Variants in CCDC61 observed in about 807,000 individuals in gnomAD.
CCDC61 encodes the protein centrosomal protein CCDC61.
Under a neutral mutation model 63.0 loss-of-function variants are expected in CCDC61, and 55 were observed. The observed-to-expected ratio is 0.87, with a 90% confidence interval of 0.70 to 1.09. The LOEUF is 1.09. Ranked by LOEUF, CCDC61 falls within the 50% of genes least tolerant of loss-of-function variation. The pLI, the probability that CCDC61 is intolerant of heterozygous loss-of-function variation, is 0.00. For synonymous variants in CCDC61, 270 were observed against 317.0 expected (o/e 0.85, Z 1.58); for missense variants, 651 against 731.4 (o/e 0.89, Z 1.27).
chr19:46,013,199 T>C (rs1600652033), intron 5 of CCDC61, among the ~76,000 whole-genome samples: 1 of 151,942 alleles, frequency 6.6e-6, no homozygotes, highest in Admixed American at 6.6e-5. Flanking sequence ...TTTTTTTGAA[T>C]TTTTAGTAGA....
intron 3 of CCDC61, among the ~76,000 whole-genome samples, chr19:46,003,946 A>AT (rs918437729): frequency 3.7e-4 from 54 of 144,418 alleles, no homozygotes; most frequent in African/African-American, 5.1e-4. Flanking sequence ...TTGTTTGTTT[A>AT]TTTTTTTTTT....
chr19:45,995,781 C>G (rs12463001), intron 1 of CCDC61, among the ~76,000 whole-genome samples: 3 of 151,710 alleles, frequency 2.0e-5, no homozygotes, highest in Non-Finnish European at 2.9e-5. Flanking sequence ...AATATAGAGA[C>G]GTCCTTGGAA....
chr19:45,998,683 A>G (rs563234755), intron 1 of CCDC61, among the ~76,000 whole-genome samples: 2 of 152,342 alleles, frequency 1.3e-5, no homozygotes, highest in South Asian at 4.1e-4. Flanking sequence ...TGGTCTGTCA[A>G]ATAATCAACA....
chr19:46,008,000 G>A, intron 4 of CCDC61, 140 bp from the exon 5 acceptor site: 1 of 838,362 alleles, frequency 1.2e-6, no homozygotes, highest in East Asian at 2.9e-5. Flanking sequence ...GGGGCCTTGA[G>A]GATGTGCTCA....
chr19:46,002,272 T>C (rs528879914), intron 1 of CCDC61, among the ~76,000 whole-genome samples: 2 of 151,892 alleles, frequency 1.3e-5, no homozygotes, highest in South Asian at 2.1e-4. Context: ...AAAGCTTGGC[T>C]CATCCTACTC....
Position 46,008,178 on chromosome 19 carries a change from C to CAG in CCDC61, c.430_431dup (p.Asp144GlufsTer13), listed in dbSNP as rs751133209. 2 of 1,612,654 alleles carry CAG rather than the reference C, an allele frequency of 1.2e-6. No homozygotes were observed. Among genetic ancestry groups the CAG allele is most frequent in the South Asian group, 2.2e-5 (2 of 90,708 alleles). ...CTGCCCCTCCCGTACCAGGGCAAGC[C>CAG]AGACCCCGTGGTTCTGCAGGGCATC... On this transcript the variant is annotated frameshift_variant, in exon 5 of 14. Coordinates refer to ENST00000595358, the MANE Select transcript of CCDC61 (RefSeq NM_001267723.2). LOFTEE classifies it high-confidence loss of function.
At chr19:45,996,754 G>C (rs551042988) in intron 1 of CCDC61, among the ~76,000 whole-genome samples, 1 of 152,290 alleles carries the variant, frequency 6.6e-6, no homozygotes, top group East Asian at 1.9e-4. Context: ...TGGTCTAGCA[G>C]ATCGCATTAG....
chr19:46,011,704 C>T (rs573251168), intron 5 of CCDC61, among the ~76,000 whole-genome samples: 8 of 152,304 alleles, frequency 5.3e-5, no homozygotes, highest in African/African-American at 1.7e-4. Context: ...AAGTTCTCTT[C>T]GGCCTTTCAA....
chr19:46,016,566 G>A lies in CCDC61; in HGVS notation c.1092-128G>A. 1 of 1,448,912 alleles carries A rather than the reference G, an allele frequency of 6.9e-7. No individual in the cohort carries two copies. Among genetic ancestry groups the A allele is most frequent in the South Asian group, 1.3e-5 (1 of 77,818 alleles). The allele number at this position is 1,448,912 out of a possible 1,614,324, so 89.8% of individuals were successfully genotyped here. On this transcript the variant is annotated intron_variant, in intron 9 of 13. Coordinates refer to ENST00000595358, the MANE Select transcript of CCDC61 (RefSeq NM_001267723.2). This position sits in a 1 kb window ranked among gnomAD's most constrained non-coding sequence, Gnocchi z 7.2. ...CCTACCTCCTCGTCTGTGTTTCTGC[G>A]TGCTTTCCGCTCGTAGGCCTGTCAC... is the stretch of plus-strand genomic sequence containing the variant.
rs1285663871 is a variant in CCDC61, at chr19:46,017,047, TTC to T, written c.1292_1293del (p.Ser431Ter). On this transcript the variant is annotated frameshift_variant, in exon 11 of 14. Transcript: ENST00000595358. LOFTEE classifies it high-confidence loss of function. ...CAGCTCCTGCAGCGATTTGGAGGAT[TTC>T]TCTGAGTCGCTCTCCAGAGGGTAAA... ...SASSCSDLED[F>X]SESLSRGGHR... The T allele has an allele frequency of 5.6e-6, 9 of 1,612,540 alleles. No individual in the cohort carries two copies. The South Asian group carries it at 7.7e-5, about 14-fold the overall frequency.
chr19:46,015,007 G>T lies in CCDC61; in HGVS notation c.552-42G>T, dbSNP rs1254608837. The T allele has an allele frequency of 2.1e-6, 3 of 1,463,326 alleles. No homozygotes were observed. In the South Asian group the frequency reaches 3.7e-5, roughly 18 times the overall value. The allele number at this position is 1,463,326 out of a possible 1,614,324, so 90.6% of individuals were successfully genotyped here. ...ACCCCCATGGAGTAGTGGGAATGGGGCCATGCCTCTCTCTCCAGCGCTCTC... is the reference window on the plus strand; with the variant it reads ...ACCCCCATGGAGTAGTGGGAATGGGTCCATGCCTCTCTCTCCAGCGCTCTC... On this transcript the variant is annotated intron_variant, in intron 5 of 13. Transcript: ENST00000595358. This position sits in a 1 kb window ranked among gnomAD's most constrained non-coding sequence, Gnocchi z 5.3.
intron 4 of CCDC61, among the ~76,000 whole-genome samples, chr19:46,007,261 C>T (rs368725429): frequency 9.9e-5 from 15 of 152,240 alleles, no homozygotes; most frequent in East Asian, 3.9e-4. Flanking sequence ...GTTGCCCAGG[C>T]TGGTCTTGAA....
rs59269540 is a variant in CCDC61 at position 46,018,089 on chromosome 19, C to A, written c.1380C>A (p.Pro460=). Residue 460 remains proline, a synonymous_variant, in exon 13 of 14, where the codon CCC becomes CCA. Transcript: ENST00000595358. This position sits in a 1 kb window ranked among gnomAD's most constrained non-coding sequence, Gnocchi z 4.2. ...TTCCCCATCACCAGAAGTCTCCCCC[C>A]GTGGAACGCAGCCACCATCAGAAAT... ...PWSGSNMKSP[P]VERSHHQKSL... 1.2e-6 allele frequency: 2 copies of A among 1,610,334 alleles called. No homozygotes were observed. Among genetic ancestry groups the A allele is most frequent in the East Asian group, 4.5e-5 (2 of 44,624 alleles).
At chr19:46,009,837 T>TGTGTGCGC (rs1272891549) in intron 5 of CCDC61, among the ~76,000 whole-genome samples, 1 of 151,230 alleles carries the variant, frequency 6.6e-6, no homozygotes, top group African/African-American at 2.4e-5. Context: ...TGTGTGTGTG[T>TGTGTGCGC]GCGCGCGCGT....
chr19:46,015,557 G>T lies in CCDC61; in HGVS notation c.845+130G>T. ...GAGGGGGCGGGGCTGAAGGGGAGGC[G>T]GGGCTTAGCGGACCCCGTCTGGAGT... On this transcript the variant is annotated intron_variant, in intron 7 of 13. Coordinates refer to ENST00000595358, the MANE Select transcript of CCDC61 (RefSeq NM_001267723.2). This position sits in a 1 kb window ranked among gnomAD's most constrained non-coding sequence, Gnocchi z 5.3. 1 of 749,492 alleles carries T rather than the reference G, an allele frequency of 1.3e-6. No individual in the cohort carries two copies. The highest frequency in any genetic ancestry group is 3.0e-5 in the East Asian group (1 of 33,702). 46.4% of individuals were successfully genotyped at this position (749,492 alleles called of 1,614,324 possible). A position where few individuals can be genotyped will look rare whatever the true frequency, so the allele number is the denominator to read the frequency against.
intron 4 of CCDC61, among the ~76,000 whole-genome samples, chr19:46,007,417 A>T (rs1177194385): frequency 6.6e-6 from 1 of 152,074 alleles, no homozygotes; most frequent in Non-Finnish European, 1.5e-5. Flanking sequence ...CAGACATTGC[A>T]TCTATATCAA....
At chr19:46,014,676 AG>A (rs1183002611) in intron 5 of CCDC61, among the ~76,000 whole-genome samples, 2 of 152,074 alleles carry the variant, frequency 1.3e-5, no homozygotes, top group African/African-American at 4.8e-5. Flanking sequence ...TGGCCTGGCG[AG>A]GTGGGAGGAG....
At chr19:46,013,826 A>G (rs1377236730) in intron 5 of CCDC61, among the ~76,000 whole-genome samples, 1 of 151,752 alleles carries the variant, frequency 6.6e-6, no homozygotes, top group Non-Finnish European at 1.5e-5. Flanking sequence ...AGATCGTGCC[A>G]CTGCACTCCA....
chr19:46,015,184 G>A lies in CCDC61; in HGVS notation c.687G>A (p.Glu229=), dbSNP rs1344122020. 39 of 1,278,322 alleles carry A rather than the reference G, an allele frequency of 3.1e-5. No homozygotes were observed. The highest frequency in any genetic ancestry group is 3.6e-5 in the Non-Finnish European group (37 of 1,017,206). 79.2% of individuals were successfully genotyped at this position (1,278,322 alleles called of 1,614,324 possible). A position where few individuals can be genotyped will look rare whatever the true frequency, so the allele number is the denominator to read the frequency against. ...LRGLVRGLEL[E]LRQERGLGHR... is the part of the protein sequence containing the mutation. ...GGCTGGTGCGCGGGCTGGAGCTGGA[G>A]CTGCGGCAGGAGCGCGGCCTCGGGC... The change falls in exon 6 of 14, where the codon GAG becomes GAA. Residue 229 remains glutamate, a synonymous_variant. Transcript: ENST00000595358. The surrounding 1 kb of genome is among the most constrained non-coding windows in gnomAD (Gnocchi z 5.3).
Sources: allele counts gnomAD v4.1 joint callset (sites outside exome capture counted in the v4.1 genomes callset), GRCh38; gene constraint gnomAD v4.1.1; non-coding constraint Gnocchi (gnomAD v3.1); transcripts MANE v1.5; gene names NCBI Gene and HGNC (gene_info 2026-07-23, HGNC 2026-07-21).